TGM1: variants seen among roughly 807,000 people sequenced by gnomAD.
The protein encoded by TGM1 is protein-glutamine gamma-glutamyltransferase K.
TGM1 carries 63 observed loss-of-function variants against 88.7 expected under a neutral mutation model. That is an observed-to-expected ratio of 0.71 (90% CI 0.58 to 0.88). The LOEUF (loss-of-function observed/expected upper bound fraction) is 0.88, where lower values mean the gene tolerates loss of function less well. Ranked by LOEUF, TGM1 falls within the 40% of genes least tolerant of loss-of-function variation. The pLI is 0.00. For synonymous variants in TGM1, 415 were observed against 431.1 expected, an observed-to-expected ratio of 0.96 and a Z score of 0.46; for missense variants, 996 against 1,118.0, an observed-to-expected ratio of 0.89 and a Z score of 1.56.
Position 24,259,800 on chromosome 14 carries a change from C to T in TGM1, c.888G>A (p.Gly296=). Residue 296 remains glycine (G), a synonymous_variant, in exon 6 of 15, where the codon GGG becomes GGA. Coordinates refer to ENST00000206765, the MANE Select transcript of TGM1 (RefSeq NM_000359.3). This position sits in a 1 kb window ranked among gnomAD's most constrained non-coding sequence, Gnocchi z 5.7. ...GGATGTATAAGCAGGCATCCAGCAC[C>T]CCGTGGTCAAACTGGAAGGAGGGAT... The part of the protein sequence containing the change: ...RTWNYGQFDH[G]VLDACLYILD... 6.2e-7 allele frequency: 1 copy of T among 1,613,166 alleles called. No individual in the cohort carries two copies. Among genetic ancestry groups the T allele is most frequent in the Non-Finnish European group, 8.5e-7 (1 of 1,179,920 alleles).
Position 24,261,900 on chromosome 14 carries a change from C to T in TGM1, c.320-17G>A. The T allele has an allele frequency of 6.2e-7, 1 of 1,612,514 alleles. No individual in the cohort carries two copies. The highest frequency in any genetic ancestry group is 8.5e-7 in the Non-Finnish European group (1 of 1,180,002). On this transcript the variant is annotated splice_polypyrimidine_tract_variant and intron_variant, in intron 2 of 14. Coordinates refer to ENST00000206765, the MANE Select transcript of TGM1 (RefSeq NM_000359.3). ...GCATGCCCTCTGCAAGGACACAGCT[C>T]CGTGTCAGTGAAGCCCCATGAGGAG...
chr14:24,250,179 T>TGTGTGTGTGTGAGAGA (rs138497842), intron 14 of TGM1, among the ~76,000 whole-genome samples: 415 of 140,790 alleles, frequency 2.9e-3, no homozygotes, highest in African/African-American at 9.7e-3. Flanking sequence ...TGTGTGTGTG[T>TGTGTGTGTGTGAGAGA]GAGAGAGACA....
Position 24,260,480 on chromosome 14 carries a change from T to G in TGM1, c.727A>C (p.Ile243Leu). ...FQLPFDPRNE[I>L]YILFNPWCPE... is the part of the protein sequence containing the mutation. ...CACCAGGGGTTGAAGAGGATGTAGATCTCATTGCGGGGGTCAAAGGGCAAC... is the reference window on the plus strand; with the variant it reads ...CACCAGGGGTTGAAGAGGATGTAGAGCTCATTGCGGGGGTCAAAGGGCAAC... The change falls in exon 4 of 15, where the codon ATC becomes CTC. Residue 243 changes from isoleucine to leucine, a missense_variant. Coordinates refer to ENST00000206765, the MANE Select transcript of TGM1 (RefSeq NM_000359.3). 1 of 1,614,192 alleles carries G rather than the reference T, an allele frequency of 6.2e-7. No homozygotes were observed. The highest frequency in any genetic ancestry group is 1.1e-5 in the South Asian group (1 of 91,084).
chr14:24,254,135 G>C lies in TGM1; in HGVS notation c.2225+17C>G. The C allele has an allele frequency of 6.2e-7, 1 of 1,605,514 alleles. No individual in the cohort carries two copies. The highest frequency in any genetic ancestry group is 2.2e-5 in the East Asian group (1 of 44,694). On this transcript the variant is annotated intron_variant, in intron 14 of 14. Coordinates refer to ENST00000206765, the MANE Select transcript of TGM1 (RefSeq NM_000359.3). ...GGCCAGAGTGGAAGCAGGGGTAGGGGGAGAGGCCAGACTCACCCAACGTTG... is the reference window on the plus strand; with the variant it reads ...GGCCAGAGTGGAAGCAGGGGTAGGGCGAGAGGCCAGACTCACCCAACGTTG...
chr14:24,260,213 A>G lies in TGM1; in HGVS notation c.758-155T>C, dbSNP rs1345396590. 4 of 936,732 alleles carry G rather than the reference A, an allele frequency of 4.3e-6. No homozygotes were observed. The East Asian group carries it at 1.0e-4, about 24-fold the overall frequency. The allele number at this position is 936,732 out of a possible 1,614,324, so 58.0% of individuals were successfully genotyped here. ...GCTGTGGGAGGACACGGGGAGCATG[A>G]CAGATGGTGGAGGAGATTGGCTGTA... On this transcript the variant is annotated intron_variant, in intron 4 of 14. Coordinates refer to ENST00000206765, the MANE Select transcript of TGM1 (RefSeq NM_000359.3).
intron 14 of TGM1, among the ~76,000 whole-genome samples, chr14:24,250,371 G>C (rs2040691870): frequency 6.6e-6 from 1 of 152,100 alleles, no homozygotes; most frequent in Admixed American, 6.5e-5. Flanking sequence ...TAACCACTCA[G>C]AGGTGAACTA....
intron 14 of TGM1, among the ~76,000 whole-genome samples, chr14:24,250,774 A>G (rs967923835): frequency 2.6e-5 from 4 of 152,140 alleles, no homozygotes; most frequent in Non-Finnish European, 5.9e-5. Flanking sequence ...TACACTGAAC[A>G]TGACTGCATT....
In TGM1 at chr14:24,254,969, T is replaced by C; in HGVS notation, c.1927+3A>G. 2.5e-6 allele frequency: 4 copies of C among 1,613,648 alleles called. No homozygotes were observed. The highest frequency in any genetic ancestry group is 3.4e-6 in the Non-Finnish European group (4 of 1,180,012). On this transcript the variant is annotated splice_donor_region_variant and intron_variant, in intron 12 of 14. Coordinates refer to ENST00000206765, the MANE Select transcript of TGM1 (RefSeq NM_000359.3). ...GGGGCAGGGCTGGGTAAGGAGCACT[T>C]ACAGGCCCCTGGTGCCAGCTCCACT... is the stretch of plus-strand genomic sequence containing the variant.
chr14:24,252,906 G>A (rs973097015), intron 14 of TGM1, among the ~76,000 whole-genome samples: 8 of 152,210 alleles, frequency 5.3e-5, no homozygotes, highest in African/African-American at 1.9e-4. Flanking sequence ...TTTCCTAGGC[G>A]GGGACGGGGC....
rs2040811202 is a variant in TGM1, at chr14:24,261,777, G to A, written c.426C>T (p.Arg142=). The A allele has an allele frequency of 1.2e-6, 2 of 1,614,104 alleles. No individual in the cohort carries two copies. The highest frequency in any genetic ancestry group is 1.3e-5 in the African/African-American group (1 of 75,010). The part of the protein sequence containing the change: ...DEYEYDELIV[R]RGQPFHMLLL... The stretch of plus-strand genomic sequence containing the variant: ...GGAGCATATGGAAAGGCTGCCCGCG[G>A]CGCACTATCAGCTCGTCGTACTCAT... The change falls in exon 3 of 15, where the codon CGC becomes CGT. Residue 142 remains arginine (R), a synonymous_variant. Coordinates refer to ENST00000206765, the MANE Select transcript of TGM1 (RefSeq NM_000359.3).
At position 24,249,422 on chromosome 14, in the gene TGM1, A is replaced by G. The variant is rs1395048286; in HGVS notation, c.2345T>C (p.Ile782Thr). ...SPQLSQVHGV[I>T]QVDVAPAPGD... The stretch of plus-strand genomic sequence containing the variant: ...AGGGGCTGGGGCCACATCCACCTGG[A>G]TGACACCGTGCACCTGGGAGAGCTG... Residue 782 changes from isoleucine (I) to threonine (T), a missense_variant, in exon 15 of 15, where the codon ATC becomes ACC. Transcript: ENST00000206765. 1 of 1,614,078 alleles carries G rather than the reference A, an allele frequency of 6.2e-7. No individual in the cohort carries two copies. Among genetic ancestry groups the G allele is most frequent in the Admixed American group, 1.7e-5 (1 of 60,022 alleles).
At chr14:24,261,120 G>A (rs987175209) in intron 3 of TGM1, among the ~76,000 whole-genome samples, 1 of 152,188 alleles carries the variant, frequency 6.6e-6, no homozygotes, top group East Asian at 1.9e-4. Flanking sequence ...CCTGGTGGAG[G>A]TGGTAGGGGT....
In TGM1 at chr14:24,254,204, C is replaced by T. The variant is rs150686813; in HGVS notation, c.2173G>A (p.Val725Ile). The T allele has an allele frequency of 3.1e-5, 50 of 1,613,772 alleles. No homozygotes were observed. In the African/African-American group the frequency reaches 5.5e-4, roughly 18 times the overall value. The change falls in exon 14 of 15, where the codon GTC (valine) becomes ATC (isoleucine). Residue 725 changes from valine (V) to isoleucine (I), a missense_variant. Coordinates refer to ENST00000206765, the MANE Select transcript of TGM1 (RefSeq NM_000359.3). ...AACCCAGAGCCTTCGAGCCGGAAGA[C>T]GACATTGGTGAGGGTGACGGGAAGG... ...NPLPVTLTNV[V>I]FRLEGSGLQR...
chr14:24,258,599 T>C lies in TGM1; in HGVS notation c.1234A>G (p.Thr412Ala), dbSNP rs2040777941. 9 of 1,614,164 alleles carry C rather than the reference T, an allele frequency of 5.6e-6. No homozygotes were observed. The highest frequency in any genetic ancestry group is 7.6e-6 in the Non-Finnish European group (9 of 1,180,018). The change falls in exon 8 of 15, where the codon ACC (threonine) becomes GCC (alanine). Residue 412 changes from threonine to alanine, a missense_variant. By Grantham distance (58) the Thr-to-Ala change is moderately conservative (BLOSUM62 0). Transcript: ENST00000206765. ...NSAHDTDTSL[T>A]MDIYFDENMK... ...TTCTCGTCGAAGTAGATGTCCATGG[T>C]AAGGGATGTGTCTGTGTCGTGGGCG... is the stretch of plus-strand genomic sequence containing the variant.
Position 24,262,083 on chromosome 14 carries a change from A to G in TGM1, c.270T>C (p.Pro90=), listed in dbSNP as rs201400055. Residue 90 remains proline, a synonymous_variant, in exon 2 of 15, where the codon CCT becomes CCC. Coordinates refer to ENST00000206765, the MANE Select transcript of TGM1 (RefSeq NM_000359.3). ...PGSRGSDSRR[P]VSRGSGVNAA... ...CATTGACACCGCTGCCCCGGGATAC[A>G]GGCCGGCGGGAGTCTGAGCCCCGGG... The G allele has an allele frequency of 6.2e-7, 1 of 1,613,632 alleles. No individual in the cohort carries two copies. Among genetic ancestry groups the G allele is most frequent in the Non-Finnish European group, 8.5e-7 (1 of 1,180,036 alleles).
rs1000189283 is a variant in TGM1 at position 24,258,623 on chromosome 14, C to T, written c.1210G>A (p.Ala404Thr). ...ATRTVTNFNS[A>T]HDTDTSLTMD... is the part of the protein sequence containing the mutation. ...GTAAGGGATGTGTCTGTGTCGTGGG[C>T]GGAGTTGAAGTTGGTGACAGTACGG... Residue 404 changes from alanine (A) to threonine (T), a missense_variant, in exon 8 of 15, where the codon GCC becomes ACC. By Grantham distance (58) the Ala-to-Thr change is moderately conservative. Coordinates refer to ENST00000206765, the MANE Select transcript of TGM1 (RefSeq NM_000359.3). 5.0e-6 allele frequency: 8 copies of T among 1,614,040 alleles called. No individual in the cohort carries two copies. The highest frequency in any genetic ancestry group is 2.7e-5 in the African/African-American group (2 of 74,898).
In TGM1 at chr14:24,249,306, C is replaced by T. The variant is rs1594562776; in HGVS notation, c.*7G>A. 1 of 1,612,150 alleles carries T rather than the reference C, an allele frequency of 6.2e-7. No individual in the cohort carries two copies. Among genetic ancestry groups the T allele is most frequent in the East Asian group, 2.2e-5 (1 of 44,870 alleles). On this transcript the variant is annotated 3_prime_UTR_variant, in exon 15 of 15. Transcript: ENST00000206765. Reference sequence around the variant, plus strand: ...CTGACTCCAGTCCCATTGCTCCTGGCACGGGGCTAAGCTCCACCTCGAGAT... The same window carrying T: ...CTGACTCCAGTCCCATTGCTCCTGGTACGGGGCTAAGCTCCACCTCGAGAT...
At chr14:24,256,415 C>A (rs979550207) in intron 9 of TGM1, among the ~76,000 whole-genome samples, 2 of 152,240 alleles carry the variant, frequency 1.3e-5, no homozygotes, top group African/African-American at 4.8e-5. Flanking sequence ...TCTTTCATGG[C>A]TGGCTGACAC....
rs141524659 is a variant in TGM1, at chr14:24,261,806, C to T, written c.397G>A (p.Glu133Lys). 6.8e-6 allele frequency: 11 copies of T among 1,614,024 alleles called. No homozygotes were observed. The highest frequency in any genetic ancestry group is 2.2e-5 in the South Asian group (2 of 91,072). ...DQNRREHHTD[E>K]YEYDELIVRR... ...ACTATCAGCTCGTCGTACTCATACTCGTCTGTGTGGTGCTCTCGGCGGTTC... is the reference window on the plus strand; with the variant it reads ...ACTATCAGCTCGTCGTACTCATACTTGTCTGTGTGGTGCTCTCGGCGGTTC... The change falls in exon 3 of 15, where the codon GAG (glutamate) becomes AAG (lysine). Residue 133 changes from glutamate to lysine, a missense_variant. Coordinates refer to ENST00000206765, the MANE Select transcript of TGM1 (RefSeq NM_000359.3).
Sources: gnomAD v4.1 joint callset for allele counts (sites outside exome capture counted in the v4.1 genomes callset) on GRCh38, gnomAD v4.1.1 for gene constraint, Gnocchi (gnomAD v3.1) non-coding constraint, MANE v1.5 for transcripts, NCBI Gene and HGNC (gene_info 2026-07-23, HGNC 2026-07-21) for gene names.